Variants in SH3RF1 observed in about 807,000 individuals in gnomAD.
SH3RF1 encodes SH3 domain containing ring finger 1.
SH3RF1 carries 32 observed loss-of-function variants against 74.0 expected under a neutral mutation model. That is an observed-to-expected ratio of 0.43 (90% CI 0.33 to 0.58). The LOEUF (loss-of-function observed/expected upper bound fraction) is 0.58, where lower values mean the gene tolerates loss of function less well. Ranked by LOEUF, SH3RF1 falls within the 20% of genes least tolerant of loss-of-function variation. The probability of loss-of-function intolerance (pLI) is 0.05; values close to 1 mark genes in which losing one functional copy is unlikely to be tolerated. For synonymous variants in SH3RF1, 396 were observed against 439.6 expected, an observed-to-expected ratio of 0.90 and a Z score of 1.24; for missense variants, 954 against 1,130.9, an observed-to-expected ratio of 0.84 and a Z score of 2.24.
intron 2 of SH3RF1, among the ~76,000 whole-genome samples, chr4:169,263,847 CAT>C (rs1474660492): frequency 6.6e-6 from 1 of 152,242 alleles, no homozygotes; most frequent in Non-Finnish European, 1.5e-5. Flanking sequence ...ACTTTCTGTG[CAT>C]CTGGTATACT....
chr4:169,225,161 C>G (rs1356862176), intron 2 of SH3RF1, among the ~76,000 whole-genome samples: 1 of 152,094 alleles, frequency 6.6e-6, no homozygotes. Context: ...GAGATTTAAC[C>G]CTGGGCAACA....
At chr4:169,226,992 C>A (rs892713724) in intron 2 of SH3RF1, among the ~76,000 whole-genome samples, 1 of 151,906 alleles carries the variant, frequency 6.6e-6, no homozygotes, top group Non-Finnish European at 1.5e-5. Flanking sequence ...CATAACAAGA[C>A]CCCATCTCTA....
rs369470487 is a variant in SH3RF1 at position 169,169,762 on chromosome 4, C to T, written c.394-13083G>A. 2.5e-3 allele frequency among the ~76,000 whole-genome samples: 387 copies of T among 152,222 alleles called. 2 individuals are homozygous for T. Among genetic ancestry groups the T allele is most frequent in the African/African-American group, 8.8e-3 (365 of 41,540 alleles). ...TTTTCTTTTGAGACAGGGTCTTACT[C>T]TGTCAACCAGGCTGGAATGCAGTGG... On this transcript the variant is annotated intron_variant, in intron 2 of 11. Transcript: ENST00000284637.
At chr4:169,189,463 T>A (rs1444914841) in intron 2 of SH3RF1, among the ~76,000 whole-genome samples, 1 of 152,162 alleles carries the variant, frequency 6.6e-6, no homozygotes, top group Admixed American at 6.5e-5. Flanking sequence ...CAGAACAAGA[T>A]CCATGCCAGG....
At position 169,116,565 on chromosome 4, in the gene SH3RF1, C is replaced by T. The variant is rs774965103; in HGVS notation, c.1843G>A (p.Gly615Ser). The change falls in exon 10 of 12, where the codon GGC becomes AGC. Residue 615 changes from glycine (G) to serine (S), a missense_variant. Around this residue, in one of 3 missense-constraint regions of SH3RF1, gnomAD observed 854 missense variants for 962.5 expected, o/e 0.89. Coordinates refer to ENST00000284637, the MANE Select transcript of SH3RF1 (RefSeq NM_020870.4). ...VTPIQVQNAA[G>S]LSPASVGLSH... Reference sequence around the variant, plus strand: ...AGGCCCACAGATGCAGGGCTGAGGCCGGCGGCATTCTGTACCTGGATGGGT... The same window carrying T: ...AGGCCCACAGATGCAGGGCTGAGGCTGGCGGCATTCTGTACCTGGATGGGT... 5.1e-5 allele frequency: 82 copies of T among 1,600,684 alleles called. No homozygotes were observed. In the Admixed American group the frequency reaches 7.1e-4, roughly 14 times the overall value.
At chr4:169,135,205 G>GA (rs1412405479) in intron 5 of SH3RF1, among the ~76,000 whole-genome samples, 1 of 151,892 alleles carries the variant, frequency 6.6e-6, no homozygotes, top group South Asian at 2.1e-4. Flanking sequence ...ATGAGGCTGA[G>GA]AAAAAAATGG....
rs182323161 is a variant in SH3RF1 at position 169,117,218 on chromosome 4, G to A, written c.1777+305C>T. Among the ~76,000 whole-genome samples, 332 of 152,206 alleles carry A rather than the reference G, an allele frequency of 2.2e-3. 1 individual carries two copies. The highest frequency in any genetic ancestry group is 4.2e-3 in the Admixed American group (64 of 15,276). ...GTAGAGTATCACGCAATGTCACATG[G>A]ATGGTAGTAGTGAGATTTGAGATCA... On this transcript the variant is annotated intron_variant, in intron 9 of 11. Transcript: ENST00000284637.
rs1405506310 is a variant in SH3RF1 at position 169,095,784 on chromosome 4, A to G, written c.*735T>C. On this transcript the variant is annotated 3_prime_UTR_variant, in exon 12 of 12. Coordinates refer to ENST00000284637, the MANE Select transcript of SH3RF1 (RefSeq NM_020870.4). ...TGTATTCTTTCTCATTGTTTCAGTCACTTCATTCTAGGAAAATTAAAAACC... is the reference window on the plus strand; with the variant it reads ...TGTATTCTTTCTCATTGTTTCAGTCGCTTCATTCTAGGAAAATTAAAAACC... 6.6e-6 allele frequency: 1 copy of G among 152,366 alleles called. No individual in the cohort carries two copies. The highest frequency in any genetic ancestry group is 1.5e-5 in the Non-Finnish European group (1 of 68,032). 9.4% of individuals were successfully genotyped at this position (152,366 alleles called of 1,614,324 possible). A position where few individuals can be genotyped will look rare whatever the true frequency, so the allele number is the denominator to read the frequency against.
chr4:169,260,148 A>G (rs1052881266), intron 2 of SH3RF1, among the ~76,000 whole-genome samples: 10 of 152,218 alleles, frequency 6.6e-5, no homozygotes, highest in African/African-American at 2.2e-4. Flanking sequence ...TGCTGAGAAA[A>G]GACCACAGGC....
chr4:169,136,148 C>T (rs931231070), intron 5 of SH3RF1, among the ~76,000 whole-genome samples, 170 bp downstream of exon 5: 1 of 152,318 alleles, frequency 6.6e-6, no homozygotes, highest in East Asian at 1.9e-4. Context: ...TTAGCTTTCC[C>T]TTCTCCATTT....
At chr4:169,214,085 GA>G (rs1332321039) in intron 2 of SH3RF1, among the ~76,000 whole-genome samples, 1 of 152,186 alleles carries the variant, frequency 6.6e-6, no homozygotes, top group Non-Finnish European at 1.5e-5. Context: ...ATCTCATGTT[GA>G]AATGTAATCC....
At chr4:169,120,162 T>C (rs746016462) in intron 8 of SH3RF1, among the ~76,000 whole-genome samples, 3 of 152,206 alleles carry the variant, frequency 2.0e-5, no homozygotes, top group Admixed American at 6.5e-5. Flanking sequence ...AAAATATTTC[T>C]GGATATTGTC....
rs115873468 is a variant in SH3RF1 at position 169,147,680 on chromosome 4, T to C, written c.765+7800A>G. ...TTTATTTTAAAAAGCAATGTTGTTT[T>C]ATAACACTTAGGAAAAATACTTTCC... On this transcript the variant is annotated intron_variant, in intron 4 of 11. Transcript: ENST00000284637. 7.4e-3 allele frequency among the ~76,000 whole-genome samples: 1,129 copies of C among 152,324 alleles called. 15 individuals carry two copies. The highest frequency in any genetic ancestry group is 0.026 in the African/African-American group (1,083 of 41,578).
chr4:169,188,858 T>G (rs1734653683), intron 2 of SH3RF1, among the ~76,000 whole-genome samples: 2 of 152,248 alleles, frequency 1.3e-5, no homozygotes, highest in African/African-American at 4.8e-5. Context: ...TGCTCTTCTC[T>G]TCTATAATAT....
chr4:169,212,805 C>T (rs2706751), intron 2 of SH3RF1, among the ~76,000 whole-genome samples: 72,123 of 152,076 alleles, frequency 0.47, 18,274 homozygotes, highest in East Asian at 0.78. Context: ...CATTACAGAA[C>T]CATACAGCAT....
intron 2 of SH3RF1, among the ~76,000 whole-genome samples, chr4:169,257,972 G>T (rs960266277): frequency 1.3e-5 from 2 of 152,200 alleles, no homozygotes; most frequent in African/African-American, 2.4e-5. Flanking sequence ...GGGCAAATGT[G>T]AGAGCCACAT....
At chr4:169,111,780 G>A (rs1000621850) in intron 10 of SH3RF1, among the ~76,000 whole-genome samples, 3 of 152,184 alleles carry the variant, frequency 2.0e-5, no homozygotes, top group Non-Finnish European at 4.4e-5. Flanking sequence ...AACAATGGTA[G>A]AAAAGGTCTA....
In SH3RF1 at chr4:169,095,058, G is replaced by C. The variant is rs559307938; in HGVS notation, c.*1461C>G. 1 of 152,588 alleles carries C rather than the reference G, an allele frequency of 6.6e-6. No individual in the cohort carries two copies. The highest frequency in any genetic ancestry group is 1.5e-5 in the Non-Finnish European group (1 of 68,048). 9.5% of individuals were successfully genotyped at this position (152,588 alleles called of 1,614,324 possible). A position where few individuals can be genotyped will look rare whatever the true frequency, so the allele number is the denominator to read the frequency against. On this transcript the variant is annotated 3_prime_UTR_variant, in exon 12 of 12. Transcript: ENST00000284637. ...GACTGCGTGGCACCGTAATGAAATC[G>C]GTGGGAGAGGCCAATGACATCAAGG...
At chr4:169,115,573 C>T (rs1405178129) in intron 10 of SH3RF1, among the ~76,000 whole-genome samples, 1 of 152,038 alleles carries the variant, frequency 6.6e-6, no homozygotes, top group African/African-American at 2.4e-5. Flanking sequence ...AAACTCAGGG[C>T]TCCCACTAAT....
Sources: allele counts gnomAD v4.1 joint callset (sites outside exome capture counted in the v4.1 genomes callset), GRCh38; gene constraint gnomAD v4.1.1; regional missense constraint gnomAD v4.1.1; transcripts MANE v1.5; gene names NCBI Gene and HGNC (gene_info 2026-07-23, HGNC 2026-07-21).